Variants in DDX52 observed in about 807,000 individuals in gnomAD.
DDX52 encodes the protein DExD-box helicase 52, also known as probable ATP-dependent RNA helicase DDX52.
In DDX52, 59 loss-of-function variants were observed where a neutral mutation model predicts 76.1. That is an observed-to-expected ratio of 0.78 (90% confidence interval 0.63 to 0.96). DDX52 has a LOEUF of 0.96. Ranked by LOEUF, DDX52 falls within the 40% of genes least tolerant of loss-of-function variation. The pLI is 0.00. For synonymous variants in DDX52, 231 were observed against 244.1 expected, an observed-to-expected ratio of 0.95 and a Z score of 0.50; for missense variants, 707 against 703.9, an observed-to-expected ratio of 1.00 and a Z score of -0.05.
intron 9 of DDX52, 125 bp downstream of exon 9, chr17:37,624,219 A>T: frequency 1.7e-6 from 1 of 585,526 alleles, no homozygotes; most frequent in Non-Finnish European, 2.9e-6. Flanking sequence ...TTATCAATTT[A>T]CCAATGGATT....
At chr17:37,642,434 G>T in intron 1 of DDX52, 126 bp from the exon 2 acceptor site, 1 of 1,096,106 alleles carries the variant, frequency 9.1e-7, no homozygotes, top group Non-Finnish European at 1.3e-6. Flanking sequence ...GCTAACAGGT[G>T]TCTGGACAAA....
At chr17:37,621,837 CTT>C (rs1375315035) in intron 9 of DDX52, among the ~76,000 whole-genome samples, 1 of 152,142 alleles carries the variant, frequency 6.6e-6, no homozygotes, top group African/African-American at 2.4e-5. Context: ...GCCTCAAAAC[CTT>C]TTTTTATTCT....
intron 2 of DDX52, among the ~76,000 whole-genome samples, chr17:37,636,589 G>A (rs2030939477): frequency 6.6e-6 from 1 of 152,204 alleles, no homozygotes; most frequent in African/African-American, 2.4e-5. Flanking sequence ...TAAGACAGCA[G>A]TTTGAAAACA....
chr17:37,618,285 T>C lies in DDX52; in HGVS notation c.1742+7A>G. 4 of 1,591,010 alleles carry C rather than the reference T, an allele frequency of 2.5e-6. No individual in the cohort carries two copies. The highest frequency in any genetic ancestry group is 3.4e-6 in the Non-Finnish European group (4 of 1,172,818). On this transcript the variant is annotated splice_region_variant and intron_variant, in intron 14 of 14. Coordinates refer to ENST00000617633, the MANE Select transcript of DDX52 (RefSeq NM_007010.5). ...TCAAACAGCCATTTTTCTTACCACA[T>C]ACTTACTGTTTATCCTTAGCTTTTT... is the stretch of plus-strand genomic sequence containing the variant.
rs775118216 is a variant in DDX52, at chr17:37,613,301, G to C, written c.*995C>G. 1.3e-5 allele frequency: 2 copies of C among 152,122 alleles called. No homozygotes were observed. The highest frequency in any genetic ancestry group is 2.9e-5 in the Non-Finnish European group (2 of 68,022). 9.4% of individuals were successfully genotyped at this position (152,122 alleles called of 1,614,324 possible). A position where few individuals can be genotyped will look rare whatever the true frequency, so the allele number is the denominator to read the frequency against. On this transcript the variant is annotated 3_prime_UTR_variant, in exon 15 of 15. Coordinates refer to ENST00000617633, the MANE Select transcript of DDX52 (RefSeq NM_007010.5). ...ATCATAATCCTTTAGCTTAAGTAGAGATCTACTTATTAAATGAGGCACCAT... is the reference window on the plus strand; with the variant it reads ...ATCATAATCCTTTAGCTTAAGTAGACATCTACTTATTAAATGAGGCACCAT...
intron 3 of DDX52, among the ~76,000 whole-genome samples, chr17:37,632,514 T>C (rs1219741149): frequency 6.6e-6 from 1 of 152,242 alleles, no homozygotes; most frequent in Non-Finnish European, 1.5e-5. Flanking sequence ...CATATTAATG[T>C]GTTATTGTCA....
intron 2 of DDX52, among the ~76,000 whole-genome samples, chr17:37,641,592 C>A (rs1301664067): frequency 6.6e-6 from 1 of 151,836 alleles, no homozygotes; most frequent in Non-Finnish European, 1.5e-5. Flanking sequence ...CAAAAATTAG[C>A]TAGGCGTGGT....
intron 9 of DDX52, among the ~76,000 whole-genome samples, chr17:37,623,636 C>G (rs889093035): frequency 6.6e-6 from 1 of 152,156 alleles, no homozygotes; most frequent in South Asian, 2.1e-4. Flanking sequence ...TTCCCCTCCA[C>G]GTTTTATCCT....
chr17:37,620,889 TATC>T lies in DDX52; in HGVS notation c.1558_1560del (p.Asp520del). 6.3e-7 allele frequency: 1 copy of T among 1,593,682 alleles called. No homozygotes were observed. The highest frequency in any genetic ancestry group is 8.5e-7 in the Non-Finnish European group (1 of 1,175,108). ...CTAATTTACCTTCTTAATAATGGCT[TATC>T]ATCCTCAGTGAAAAATGTAATTGCT... On this transcript the variant is annotated inframe_deletion, in exon 12 of 15. Coordinates refer to ENST00000617633, the MANE Select transcript of DDX52 (RefSeq NM_007010.5).
chr17:37,621,140 A>G lies in DDX52; in HGVS notation c.1488T>C (p.Tyr496=). 1 of 1,609,902 alleles carries G rather than the reference A, an allele frequency of 6.2e-7. No individual in the cohort carries two copies. The highest frequency in any genetic ancestry group is 1.3e-5 in the African/African-American group (1 of 74,734). ...NYDFPTSSVE[Y]IHRIGRTGRA... is the part of the protein sequence containing the mutation. ...AAGACAACTCACCTATCCTGTGGATATATTCCACTGAGCTAGTTGGAAAGT... is the reference window on the plus strand; with the variant it reads ...AAGACAACTCACCTATCCTGTGGATGTATTCCACTGAGCTAGTTGGAAAGT... Residue 496 remains tyrosine, a synonymous_variant, in exon 11 of 15, where the codon TAT becomes TAC. Coordinates refer to ENST00000617633, the MANE Select transcript of DDX52 (RefSeq NM_007010.5).
At chr17:37,616,891 T>G in intron 14 of DDX52, among the ~76,000 whole-genome samples, 1 of 152,214 alleles carries the variant, frequency 6.6e-6, no homozygotes. Context: ...GTGAAAACTC[T>G]TGTTCACTTA....
chr17:37,619,942 G>A (rs1272105155), intron 12 of DDX52, 103 bp from the exon 13 acceptor site: 2 of 1,085,632 alleles, frequency 1.8e-6, no homozygotes, highest in South Asian at 1.4e-5. Flanking sequence ...ACTACACAAA[G>A]TAATCCACAA....
intron 2 of DDX52, 24 bp downstream of exon 2, chr17:37,642,086 A>G: frequency 1.2e-6 from 2 of 1,609,242 alleles, no homozygotes; most frequent in Non-Finnish European, 1.7e-6. Context: ...AAGAGAAAAA[A>G]CATGACAGAA....
At chr17:37,638,746 G>C (rs1478789837) in intron 2 of DDX52, among the ~76,000 whole-genome samples, 3 of 147,412 alleles carry the variant, frequency 2.0e-5, no homozygotes, top group African/African-American at 7.5e-5. Context: ...CTACAAATAA[G>C]AAAACATGGA....
chr17:37,632,519 T>C (rs962599606), intron 3 of DDX52, among the ~76,000 whole-genome samples: 12 of 152,234 alleles, frequency 7.9e-5, no homozygotes, highest in African/African-American at 9.6e-5. Context: ...TAATGTGTTA[T>C]TGTCATAGTC....
rs2030345642 is a variant in DDX52, at chr17:37,625,928, A to G, written c.1103T>C (p.Leu368Pro). The change falls in exon 8 of 15, where the codon CTG becomes CCG. Residue 368 changes from leucine (L) to proline (P), a missense_variant. Physicochemically the swap from Leu to Pro is moderately conservative, Grantham distance 98. Coordinates refer to ENST00000617633, the MANE Select transcript of DDX52 (RefSeq NM_007010.5). ...YDVEQWCKLN[L>P]DNVISVSIGA... ...AATGGACACACTGATGACATTGTCCAGGTTGAGTTTGCACCACTGTTCAAC... is the reference window on the plus strand; with the variant it reads ...AATGGACACACTGATGACATTGTCCGGGTTGAGTTTGCACCACTGTTCAAC... The G allele has an allele frequency of 6.2e-7, 1 of 1,614,168 alleles. No individual in the cohort carries two copies.
intron 8 of DDX52, among the ~76,000 whole-genome samples, chr17:37,625,356 G>T (rs1315590047): frequency 6.6e-6 from 1 of 152,022 alleles, no homozygotes; most frequent in African/African-American, 2.4e-5. Context: ...TGTTCCATTG[G>T]CTACTTTTTC....
intron 9 of DDX52, 143 bp from the exon 10 acceptor site, chr17:37,621,663 C>T: frequency 9.9e-7 from 1 of 1,009,414 alleles, no homozygotes; most frequent in Non-Finnish European, 1.4e-6. Flanking sequence ...TGGTCTAATT[C>T]TGCCTCCATC....
chr17:37,637,558 T>C (rs975201481), intron 2 of DDX52, among the ~76,000 whole-genome samples: 1 of 151,978 alleles, frequency 6.6e-6, no homozygotes, highest in African/African-American at 2.4e-5. Flanking sequence ...GCTCCTGGCC[T>C]CCCTACCAAT....
Sources: gnomAD v4.1 joint callset for allele counts (sites outside exome capture counted in the v4.1 genomes callset) on GRCh38, gnomAD v4.1.1 for gene constraint, MANE v1.5 for transcripts, NCBI Gene and HGNC (gene_info 2026-07-23, HGNC 2026-07-21) for gene names.